Variants in GRIN2B observed in about 807,000 individuals in gnomAD.
The protein encoded by GRIN2B is glutamate receptor ionotropic, NMDA 2B.
Under a neutral mutation model 114.5 loss-of-function variants are expected in GRIN2B, and 5 were observed. The ratio of observed to expected loss-of-function variants is 0.04; its 90% CI spans 0.02 to 0.09. The LOEUF is 0.09. GRIN2B is among the 10% of genes least tolerant of loss of function. The probability of loss-of-function intolerance (pLI) is 1.00; values close to 1 mark genes in which losing one functional copy is unlikely to be tolerated. For missense variants in GRIN2B, 1,108 were observed against 1,943.5 expected (o/e 0.57, Z 8.08); for synonymous variants, 787 against 745.1 (o/e 1.06, Z -0.92).
intron 10 of GRIN2B, among the ~76,000 whole-genome samples, chr12:13,587,993 C>T (rs772415753): frequency 1.3e-5 from 2 of 152,196 alleles, no homozygotes; most frequent in Admixed American, 6.5e-5. Context: ...ATAGTTTAAA[C>T]ATGCAAATTA....
intron 5 of GRIN2B, among the ~76,000 whole-genome samples, chr12:13,665,648 TTACATG>T (rs1317175915): frequency 3.9e-5 from 6 of 152,162 alleles, no homozygotes; most frequent in African/African-American, 1.2e-4. Flanking sequence ...CTCAATTTAC[TTACATG>T]TACAAGTATT....
chr12:13,906,370 G>T (rs986110150), intron 2 of GRIN2B, among the ~76,000 whole-genome samples: 8 of 152,140 alleles, frequency 5.3e-5, no homozygotes, highest in Admixed American at 5.2e-4. Flanking sequence ...GGCAATTCTT[G>T]TACCACTTTT....
Position 13,828,322 on chromosome 12 carries a change from A to G in GRIN2B, c.411+37476T>C, listed in dbSNP as rs192079880. 3.7e-3 allele frequency among the ~76,000 whole-genome samples: 557 copies of G among 152,356 alleles called. 4 individuals are homozygous for G. Among genetic ancestry groups the G allele is most frequent in the Middle Eastern group, 0.02 (6 of 294 alleles). Reference sequence around the variant, plus strand: ...TTCTACTCTAGCTTAAGAGAACTAGAATGGCCTCTGGCCCAGTGGGAATTC... The same window carrying G: ...TTCTACTCTAGCTTAAGAGAACTAGGATGGCCTCTGGCCCAGTGGGAATTC... On this transcript the variant is annotated intron_variant, in intron 3 of 13. Coordinates refer to ENST00000609686, the MANE Select transcript of GRIN2B (RefSeq NM_000834.5).
Position 13,850,279 on chromosome 12 carries a change from C to G in GRIN2B, c.411+15519G>C, listed in dbSNP as rs534725423. 2.0e-5 allele frequency among the ~76,000 whole-genome samples: 3 copies of G among 152,316 alleles called. No homozygotes were observed. The South Asian group carries it at 6.2e-4, about 32-fold the overall frequency. On this transcript the variant is annotated intron_variant, in intron 3 of 13. Coordinates refer to ENST00000609686, the MANE Select transcript of GRIN2B (RefSeq NM_000834.5). ...CTGAGATGGAATCCTAGACCTTAGACTGATGTGCACTCAATTTTATTTTCT... is the reference window on the plus strand; with the variant it reads ...CTGAGATGGAATCCTAGACCTTAGAGTGATGTGCACTCAATTTTATTTTCT...
chr12:13,616,677 A>C lies in GRIN2B; in HGVS notation c.1126-20T>G, dbSNP rs752524243. ...CCCCACCTGCACAAGGATGAACACA[A>C]GAATCAGAAACCACTGGCCACAACA... is the stretch of plus-strand genomic sequence containing the variant. On this transcript the variant is annotated intron_variant, in intron 5 of 13. Transcript: ENST00000609686. The C allele has an allele frequency of 1.9e-6, 3 of 1,586,484 alleles. No homozygotes were observed. The highest frequency in any genetic ancestry group is 2.6e-6 in the Non-Finnish European group (3 of 1,154,914).
At chr12:13,667,638 C>T (rs908576446) in intron 5 of GRIN2B, among the ~76,000 whole-genome samples, 1 of 152,108 alleles carries the variant, frequency 6.6e-6, no homozygotes, top group African/African-American at 2.4e-5. Flanking sequence ...AAGTTTCATG[C>T]TTTTGAAAAA....
intron 3 of GRIN2B, among the ~76,000 whole-genome samples, chr12:13,843,111 G>GA (rs370233559): frequency 0.013 from 1,386 of 109,600 alleles, 8 homozygotes; most frequent in Non-Finnish European, 0.017. Context: ...CTACACTGGG[G>GA]AAAAAAAAAA....
chr12:13,809,437 T>C (rs568351152), intron 3 of GRIN2B, among the ~76,000 whole-genome samples: 4 of 152,268 alleles, frequency 2.6e-5, no homozygotes, highest in South Asian at 2.1e-4. Context: ...AATAACCCCA[T>C]TGCTGGACTT....
At chr12:13,710,406 G>T (rs1177896992) in intron 4 of GRIN2B, among the ~76,000 whole-genome samples, 2 of 152,072 alleles carry the variant, frequency 1.3e-5, no homozygotes, top group African/African-American at 2.4e-5. Flanking sequence ...AGGAAATAAA[G>T]GGTATTCAAT....
chr12:13,604,994 C>T (rs982223062), intron 10 of GRIN2B, among the ~76,000 whole-genome samples: 1 of 150,344 alleles, frequency 6.7e-6, no homozygotes, highest in Non-Finnish European at 1.5e-5. Flanking sequence ...GCTTTCTTTG[C>T]CTGTGATTCT....
intron 2 of GRIN2B, among the ~76,000 whole-genome samples, chr12:13,919,659 A>G (rs1203887511): frequency 6.6e-6 from 1 of 152,176 alleles, no homozygotes; most frequent in Non-Finnish European, 1.5e-5. Flanking sequence ...GTGGAAAATG[A>G]CAGTATCCAT....
chr12:13,732,988 T>C (rs559837315), intron 4 of GRIN2B, among the ~76,000 whole-genome samples: 1 of 152,234 alleles, frequency 6.6e-6, no homozygotes, highest in African/African-American at 2.4e-5. Context: ...GAGCTAACAG[T>C]CTAGTTAGAG....
chr12:13,932,187 T>C (rs1325695501), intron 2 of GRIN2B, among the ~76,000 whole-genome samples: 3 of 152,156 alleles, frequency 2.0e-5, no homozygotes, highest in African/African-American at 7.2e-5. Context: ...TGCTCAAACA[T>C]ACCAAACTCG....
intron 2 of GRIN2B, among the ~76,000 whole-genome samples, chr12:13,956,640 C>T (rs1370423134): frequency 1.3e-5 from 2 of 152,288 alleles, no homozygotes; most frequent in Middle Eastern, 3.4e-3. Context: ...AGCAACGAGC[C>T]GCATCATCAC....
intron 3 of GRIN2B, among the ~76,000 whole-genome samples, chr12:13,824,669 A>G (rs969978705): frequency 3.9e-5 from 6 of 152,012 alleles, no homozygotes; most frequent in East Asian, 3.9e-4. Flanking sequence ...CCTGGCCAAC[A>G]TGGTGAAACC....
chr12:13,650,134 G>A (rs919472946), intron 5 of GRIN2B, among the ~76,000 whole-genome samples: 4 of 151,970 alleles, frequency 2.6e-5, no homozygotes, highest in African/African-American at 9.7e-5. Context: ...GGCAGTCAAG[G>A]CCCTCCAGAG....
intron 3 of GRIN2B, among the ~76,000 whole-genome samples, chr12:13,765,074 C>A (rs577364937): frequency 6.6e-6 from 1 of 152,304 alleles, no homozygotes; most frequent in East Asian, 1.9e-4. Flanking sequence ...GAATTCTGAT[C>A]CATGCTAACA....
At chr12:13,816,594 T>C (rs1049211175) in intron 3 of GRIN2B, among the ~76,000 whole-genome samples, 1 of 152,118 alleles carries the variant, frequency 6.6e-6, no homozygotes, top group Non-Finnish European at 1.5e-5. Context: ...TCCATAGCAC[T>C]GCCATGGAAA....
intron 2 of GRIN2B, among the ~76,000 whole-genome samples, chr12:13,920,235 G>GA (rs11354278): frequency 0.1 from 14,302 of 139,182 alleles, 953 homozygotes; most frequent in Middle Eastern, 0.18. Context: ...CCTATCTCAA[G>GA]AAAAAAAAAA....
Sources: allele counts gnomAD v4.1 joint callset (sites outside exome capture counted in the v4.1 genomes callset), GRCh38; gene constraint gnomAD v4.1.1; transcripts MANE v1.5; gene names NCBI Gene and HGNC (gene_info 2026-07-23, HGNC 2026-07-21).